The following KAT6B variants were observed in gnomAD, a reference collection of about 807,000 sequenced individuals.
KAT6B encodes the protein lysine acetyltransferase 6B.
A neutral mutation model predicts 187.5 loss-of-function variants in KAT6B; 10 were observed. The ratio of observed to expected loss-of-function variants is 0.05; its 90% CI spans 0.03 to 0.09. The LOEUF (loss-of-function observed/expected upper bound fraction) is 0.09. Among genes scored for constraint, KAT6B ranks in the 10% least tolerant of loss-of-function variants. The pLI, the probability that KAT6B is intolerant of heterozygous loss-of-function variation, is 1.00. For synonymous variants in KAT6B, 861 were observed against 926.8 expected (o/e 0.93, Z 1.29); for missense variants, 1,952 against 2,558.9 (o/e 0.76, Z 5.12).
intron 3 of KAT6B, among the ~76,000 whole-genome samples, chr10:74,883,848 C>G (rs1845043047): frequency 6.6e-6 from 1 of 152,184 alleles, no homozygotes; most frequent in Non-Finnish European, 1.5e-5. Context: ...TTAGCCCTCT[C>G]ATTGCTTCAC....
chr10:74,951,787 A>G (rs1163327126), intron 3 of KAT6B, among the ~76,000 whole-genome samples: 1 of 152,232 alleles, frequency 6.6e-6, no homozygotes, highest in Non-Finnish European at 1.5e-5. Context: ...TGGTTTCTTT[A>G]CATGTCGTGT....
chr10:75,026,307 C>T (rs570631088), intron 17 of KAT6B: 2 of 152,266 alleles, frequency 1.3e-5, no homozygotes, highest in East Asian at 1.9e-4. Context: ...ACCAGTGAAT[C>T]GTCTTTAAAA....
At chr10:74,837,344 A>C (rs1160286928) in intron 1 of KAT6B, among the ~76,000 whole-genome samples, 1 of 152,222 alleles carries the variant, frequency 6.6e-6, no homozygotes, top group Non-Finnish European at 1.5e-5. Flanking sequence ...AAATAGAATA[A>C]TTTAATTTGA....
In KAT6B at chr10:75,030,046, G is replaced by A; in HGVS notation, c.5222G>A (p.Ser1741Asn). Residue 1741 changes from serine to asparagine, a missense_variant, in exon 18 of 18, where the codon AGC becomes AAC. Transcript: ENST00000287239. This position sits in a 1 kb window ranked among gnomAD's most constrained non-coding sequence, Gnocchi z 4.8. ...SCSMLQQTSI[S>N]SPPTCSVKSP... ...AGCATGCTGCAGCAAACCAGCATCA[G>A]CTCCCCTCCGACCTGCAGCGTCAAG... 6.2e-7 allele frequency: 1 copy of A among 1,614,170 alleles called. No individual in the cohort carries two copies. The highest frequency in any genetic ancestry group is 8.5e-7 in the Non-Finnish European group (1 of 1,180,028).
chr10:74,879,164 C>G (rs545316989), intron 3 of KAT6B, among the ~76,000 whole-genome samples: 1 of 152,276 alleles, frequency 6.6e-6, no homozygotes, highest in African/African-American at 2.4e-5. Flanking sequence ...TTGCATCAGT[C>G]ACTCTACACA....
At chr10:74,897,901 T>A (rs570392940) in intron 3 of KAT6B, among the ~76,000 whole-genome samples, 1 of 152,324 alleles carries the variant, frequency 6.6e-6, no homozygotes, top group African/African-American at 2.4e-5. Flanking sequence ...GAAAACGCCA[T>A]AGGCAATTAG....
Position 74,975,432 on chromosome 10 carries a change from A to G in KAT6B, c.1095A>G (p.Ala365=). 6.2e-7 allele frequency: 1 copy of G among 1,614,182 alleles called. No homozygotes were observed. Residue 365 remains alanine (A), a synonymous_variant, in exon 8 of 18, where the codon GCA becomes GCG. Transcript: ENST00000287239. ...CCAGTGATGAAGGATCCATGAATGCATTCACAGGAAGGGGGTCACCTGGTA... is the reference window on the plus strand; with the variant it reads ...CCAGTGATGAAGGATCCATGAATGCGTTCACAGGAAGGGGGTCACCTGGTA... ...SVTSDEGSMN[A]FTGRGSPGRG...
In KAT6B at chr10:74,925,005, C is replaced by G. The variant is rs561448570; in HGVS notation, c.622-34965C>G. ...AGAATTTATGGGGTGGTAGAGGAGA[C>G]CTTTTAGTCTCTGTATCCAAACCAA... On this transcript the variant is annotated intron_variant, in intron 3 of 17. Transcript: ENST00000287239. Among the ~76,000 whole-genome samples, 4 of 151,952 alleles carry G rather than the reference C, an allele frequency of 2.6e-5. No individual in the cohort carries two copies. The South Asian group carries it at 8.3e-4, about 32-fold the overall frequency.
intron 3 of KAT6B, among the ~76,000 whole-genome samples, chr10:74,888,583 T>C (rs1046299112): frequency 2.0e-5 from 3 of 152,252 alleles, no homozygotes; most frequent in East Asian, 1.9e-4. Context: ...TAATATTCTT[T>C]GGCGGCAATG....
intron 3 of KAT6B, among the ~76,000 whole-genome samples, chr10:74,930,200 G>C (rs568949253): frequency 4.6e-5 from 7 of 152,276 alleles, no homozygotes; most frequent in Admixed American, 3.3e-4. Flanking sequence ...TGGGATTATA[G>C]CTGTGAGCCA....
chr10:74,989,217 A>C, intron 13 of KAT6B, 105 bp downstream of exon 13: 2 of 812,614 alleles, frequency 2.5e-6, no homozygotes, highest in Non-Finnish European at 4.3e-6. Context: ...TGTTTTTATC[A>C]ATAGATAATG....
intron 3 of KAT6B, among the ~76,000 whole-genome samples, chr10:74,883,495 T>A (rs977653812): frequency 3.9e-5 from 6 of 152,210 alleles, no homozygotes; most frequent in African/African-American, 1.2e-4. Context: ...TCTGGCAGTA[T>A]TTTACAGATG....
At chr10:74,942,203 ACATTCCT>A (rs1849722893) in intron 3 of KAT6B, among the ~76,000 whole-genome samples, 1 of 152,146 alleles carries the variant, frequency 6.6e-6, no homozygotes, top group Non-Finnish European at 1.5e-5. Context: ...AAACTATGGA[ACATTCCT>A]CATGAACATA....
rs545620174 is a variant in KAT6B at position 74,952,352 on chromosome 10, T to A, written c.622-7618T>A. Among the ~76,000 whole-genome samples the A allele has an allele frequency of 2.7e-5, 4 of 150,886 alleles. No homozygotes were observed. The East Asian group carries it at 7.8e-4, about 29-fold the overall frequency. On this transcript the variant is annotated intron_variant, in intron 3 of 17. Coordinates refer to ENST00000287239, the MANE Select transcript of KAT6B (RefSeq NM_012330.4). Reference sequence around the variant, plus strand: ...CCTGGGTGACAAAGTGAGTGGTGTCTCCTAAAAAAAAAAGGTATGGAGATT... The same window carrying A: ...CCTGGGTGACAAAGTGAGTGGTGTCACCTAAAAAAAAAAGGTATGGAGATT...
At chr10:74,938,540 T>A (rs1849427135) in intron 3 of KAT6B, among the ~76,000 whole-genome samples, 1 of 152,194 alleles carries the variant, frequency 6.6e-6, no homozygotes, top group Admixed American at 6.5e-5. Context: ...ATTTTACCTG[T>A]ATAGATGGGT....
intron 3 of KAT6B, among the ~76,000 whole-genome samples, chr10:74,847,114 T>C (rs925507792): frequency 1.3e-5 from 2 of 152,164 alleles, no homozygotes; most frequent in African/African-American, 4.8e-5. Flanking sequence ...TGTCTGAAAG[T>C]GTCTAGGATT....
chr10:74,986,671 A>G (rs1842828718), intron 12 of KAT6B, among the ~76,000 whole-genome samples: 1 of 152,244 alleles, frequency 6.6e-6, no homozygotes, highest in African/African-American at 2.4e-5. Flanking sequence ...TCAAAAGATG[A>G]TAGAGAATTA....
At chr10:74,917,934 T>A (rs1439983337) in intron 3 of KAT6B, among the ~76,000 whole-genome samples, 7 of 152,114 alleles carry the variant, frequency 4.6e-5, no homozygotes, top group Admixed American at 2.6e-4. Flanking sequence ...ACTAGAAGAG[T>A]AGTTACAAAG....
chr10:74,907,512 T>TTTTCTA (rs1260367449), intron 3 of KAT6B, among the ~76,000 whole-genome samples: 1 of 151,358 alleles, frequency 6.6e-6, no homozygotes, highest in East Asian at 1.9e-4. Flanking sequence ...GACTTTTCTT[T>TTTTCTA]TTTCTTTTTC....
Sources: gnomAD v4.1 joint callset for allele counts (sites outside exome capture counted in the v4.1 genomes callset) on GRCh38, gnomAD v4.1.1 for gene constraint, Gnocchi (gnomAD v3.1) non-coding constraint, MANE v1.5 for transcripts, NCBI Gene and HGNC (gene_info 2026-07-23, HGNC 2026-07-21) for gene names.